The following STXBP5 variants were observed in gnomAD, a reference collection of about 807,000 sequenced individuals.
STXBP5 encodes syntaxin-binding protein 5.
Under a neutral mutation model 152.4 loss-of-function variants are expected in STXBP5, and 50 were observed. The observed-to-expected ratio is 0.33, with a 90% CI of 0.26 to 0.42. STXBP5 has a LOEUF of 0.42. Among genes scored for constraint, STXBP5 ranks in the 10% least tolerant of loss-of-function variants. The probability of loss-of-function intolerance (pLI) is 1.00; values close to 1 mark genes in which losing one functional copy is unlikely to be tolerated. For synonymous variants in STXBP5, 492 were observed against 494.7 expected (o/e 0.99, Z 0.07); for missense variants, 1,167 against 1,388.6 (o/e 0.84, Z 2.54).
Position 147,388,609 on chromosome 6 carries a change from A to T in STXBP5, c.*3854A>T, listed in dbSNP as rs1009657806. 2.6e-5 allele frequency: 4 copies of T among 151,432 alleles called. No individual in the cohort carries two copies. Among genetic ancestry groups the T allele is most frequent in the Non-Finnish European group, 4.4e-5 (3 of 67,594 alleles). 9.4% of individuals were successfully genotyped at this position (151,432 alleles called of 1,614,324 possible). ...CTCATATCGAGATACAATTAATTTT[A>T]AAAAATCATACATCATTTAAAAATC... On this transcript the variant is annotated 3_prime_UTR_variant, in exon 28 of 28. Transcript: ENST00000321680.
At chr6:147,298,940 C>G (rs1294876540) in intron 9 of STXBP5, among the ~76,000 whole-genome samples, 1 of 151,472 alleles carries the variant, frequency 6.6e-6, no homozygotes, top group Non-Finnish European at 1.5e-5. Context: ...GTGAACAAAC[C>G]CAAAATTGGT....
At chr6:147,366,384 G>A (rs534359425) in intron 25 of STXBP5, among the ~76,000 whole-genome samples, 40 of 152,336 alleles carry the variant, frequency 2.6e-4, no homozygotes, top group African/African-American at 8.4e-4. Flanking sequence ...CACAAACTTG[G>A]TGGCTAAAAC....
At chr6:147,317,189 G>A (rs887823276) in intron 16 of STXBP5, among the ~76,000 whole-genome samples, 15 of 152,128 alleles carry the variant, frequency 9.9e-5, no homozygotes, top group Non-Finnish European at 5.9e-5. Context: ...GAAATAATTT[G>A]CATTTATTAA....
chr6:147,353,981 G>C (rs1784706543), intron 22 of STXBP5, among the ~76,000 whole-genome samples: 1 of 152,030 alleles, frequency 6.6e-6, no homozygotes, highest in East Asian at 1.9e-4. Flanking sequence ...TTTCAAAAAA[G>C]ATAAAAGTAA....
At chr6:147,308,206 T>C (rs1782192684) in intron 9 of STXBP5, among the ~76,000 whole-genome samples, 1 of 152,210 alleles carries the variant, frequency 6.6e-6, no homozygotes. Flanking sequence ...AGTGGAGATG[T>C]ATTCTGTTTA....
rs1052338798 is a variant in STXBP5 at position 147,204,875 on chromosome 6, C to A, written c.150+193C>A. Among the ~76,000 whole-genome samples, 1 of 152,146 alleles carries A rather than the reference C, an allele frequency of 6.6e-6. No individual in the cohort carries two copies. The highest frequency in any genetic ancestry group is 2.1e-4 in the South Asian group (1 of 4,832). ...TTGTTTTGGAGATTGATACCTTACT[C>A]CTTTTCATTGATTTTTCTCTCTCCC... is the stretch of plus-strand genomic sequence containing the variant. On this transcript the variant is annotated intron_variant, in intron 1 of 27. Coordinates refer to ENST00000321680, the MANE Select transcript of STXBP5 (RefSeq NM_001127715.4). This position sits in a 1 kb window ranked among gnomAD's most constrained non-coding sequence, Gnocchi z 4.3.
chr6:147,290,303 T>G (rs1781214087), intron 8 of STXBP5, among the ~76,000 whole-genome samples: 1 of 152,078 alleles, frequency 6.6e-6, no homozygotes, highest in Non-Finnish European at 1.5e-5. Context: ...GATACTAGAA[T>G]GTGACAAGTG....
intron 9 of STXBP5, among the ~76,000 whole-genome samples, chr6:147,300,825 G>T (rs1352510230): frequency 6.6e-6 from 1 of 151,884 alleles, no homozygotes; most frequent in Non-Finnish European, 1.5e-5. Flanking sequence ...CAATTAAAAA[G>T]ATTCTTCAGA....
intron 8 of STXBP5, among the ~76,000 whole-genome samples, chr6:147,283,224 G>T (rs1207316522): frequency 6.6e-6 from 1 of 152,170 alleles, no homozygotes. Flanking sequence ...TTATTCTGTT[G>T]AAGGTCACTG....
Position 147,277,467 on chromosome 6 carries a change from G to A in STXBP5, c.715-614G>A, listed in dbSNP as rs1562457229. On this transcript the variant is annotated intron_variant, in intron 7 of 27. Transcript: ENST00000321680. ...TAATATTAGAGCAAAAAAATGAGGG[G>A]TATCATACTTTGGTGATATAAAAAT... Among the ~76,000 whole-genome samples, 8 of 151,968 alleles carry A rather than the reference G, an allele frequency of 5.3e-5. No individual in the cohort carries two copies. The South Asian group carries it at 1.7e-3, about 31-fold the overall frequency.
chr6:147,324,263 GGTTTTT>G (rs1783096083), intron 16 of STXBP5, among the ~76,000 whole-genome samples: 1 of 85,040 alleles, frequency 1.2e-5, no homozygotes, highest in Middle Eastern at 8.6e-3. Flanking sequence ...GTTTTTTTTT[GGTTTTT>G]TTTTTTTTTT....
At chr6:147,319,463 T>G (rs2218221) in intron 16 of STXBP5, among the ~76,000 whole-genome samples, 97,239 of 152,010 alleles carry the variant, frequency 0.64, 31,636 homozygotes, top group African/African-American at 0.76. Context: ...GACAAGTGAT[T>G]CATAAGGCAA....
intron 25 of STXBP5, among the ~76,000 whole-genome samples, chr6:147,373,511 C>T (rs1015379907): frequency 6.6e-6 from 1 of 151,226 alleles, no homozygotes; most frequent in Non-Finnish European, 1.5e-5. Context: ...AAAATGCAAA[C>T]AAAGGGGCAA....
At chr6:147,255,514 T>C (rs1221637) in intron 4 of STXBP5, among the ~76,000 whole-genome samples, 65,040 of 151,570 alleles carry the variant, frequency 0.43, 14,198 homozygotes, top group East Asian at 0.71. Context: ...GTTGTTGTTG[T>C]TGTTGTTGTT....
chr6:147,360,728 A>T (rs1785027411), intron 23 of STXBP5, among the ~76,000 whole-genome samples: 1 of 152,220 alleles, frequency 6.6e-6, no homozygotes, highest in Non-Finnish European at 1.5e-5. Context: ...TTTAAAAAAT[A>T]GTACTAGACT....
chr6:147,351,338 T>C (rs1253512126), intron 21 of STXBP5, among the ~76,000 whole-genome samples: 5 of 152,224 alleles, frequency 3.3e-5, no homozygotes, highest in Non-Finnish European at 5.9e-5. Context: ...AGAGGCGGCA[T>C]CCATATCATA....
intron 16 of STXBP5, among the ~76,000 whole-genome samples, chr6:147,317,886 C>G: frequency 6.6e-6 from 1 of 151,986 alleles, no homozygotes; most frequent in East Asian, 1.9e-4. Context: ...GTTTTTTTCC[C>G]AAGCCCTTTG....
At chr6:147,246,923 A>G (rs777764505) in intron 4 of STXBP5, among the ~76,000 whole-genome samples, 3 of 152,212 alleles carry the variant, frequency 2.0e-5, no homozygotes, top group Non-Finnish European at 4.4e-5. Context: ...CCCTAGCATC[A>G]GATTTTCCCA....
rs920987409 is a variant in STXBP5, at chr6:147,389,380, A to G, written c.*4625A>G. 6.6e-6 allele frequency: 1 copy of G among 151,882 alleles called. No homozygotes were observed. Among genetic ancestry groups the G allele is most frequent in the Non-Finnish European group, 1.5e-5 (1 of 67,792 alleles). The allele number at this position is 151,882 out of a possible 1,614,324, so 9.4% of individuals were successfully genotyped here. ...TAATAACTTCCCAATTACCAGGGTTATAACATTGCTTTCTTCAGTTATTAA... is the reference window on the plus strand; with the variant it reads ...TAATAACTTCCCAATTACCAGGGTTGTAACATTGCTTTCTTCAGTTATTAA... On this transcript the variant is annotated 3_prime_UTR_variant, in exon 28 of 28. Transcript: ENST00000321680.
Sources: gnomAD v4.1 joint callset for allele counts (sites outside exome capture counted in the v4.1 genomes callset) on GRCh38, gnomAD v4.1.1 for gene constraint, Gnocchi (gnomAD v3.1) non-coding constraint, MANE v1.5 for transcripts, NCBI Gene and HGNC (gene_info 2026-07-23, HGNC 2026-07-21) for gene names.